Variants in EPB41 observed in about 807,000 individuals in gnomAD.
EPB41 encodes the protein erythrocyte membrane protein band 4.1.
A neutral mutation model predicts 108.0 loss-of-function variants in EPB41; 65 were observed. The ratio of observed to expected loss-of-function variants is 0.60; its 90% confidence interval spans 0.49 to 0.74. The LOEUF (loss-of-function observed/expected upper bound fraction) is 0.74. EPB41 is among the 30% of genes least tolerant of loss of function. The pLI is 0.00. For missense variants in EPB41, 875 were observed against 1,037.0 expected, an observed-to-expected ratio of 0.84 and a Z score of 2.15; for synonymous variants, 336 against 358.9, an observed-to-expected ratio of 0.94 and a Z score of 0.72.
rs56337991 is a variant in EPB41 at position 28,929,843 on chromosome 1, C to CTT, written c.-8+15098_-8+15099dup. On this transcript the variant is annotated intron_variant, in intron 1 of 20. Coordinates refer to ENST00000343067, the MANE Select transcript of EPB41 (RefSeq NM_001376013.1). ...GCCACCGCGCCTGGCACTGGGCCTT[C>CTT]TTTTTTTTTTTTTTTTTTTTTTTTA... is the stretch of plus-strand genomic sequence containing the variant. 8.5e-4 allele frequency among the ~76,000 whole-genome samples: 87 copies of CTT among 101,836 alleles called. No individual in the cohort carries two copies. In the East Asian group the frequency reaches 8.6e-3, roughly 10 times the overall value. The allele number at this position is 101,836 out of a possible 152,430, so 66.8% of individuals were successfully genotyped here. A position where few individuals can be genotyped will look rare whatever the true frequency, so the allele number is the denominator to read the frequency against.
intron 1 of EPB41, among the ~76,000 whole-genome samples, chr1:28,961,551 T>C (rs1193241455): frequency 6.6e-6 from 1 of 152,188 alleles, no homozygotes; most frequent in Non-Finnish European, 1.5e-5. Flanking sequence ...ATGTTACTCA[T>C]CTGAAATTGT....
intron 16 of EPB41, among the ~76,000 whole-genome samples, chr1:29,073,529 A>G (rs1652490024): frequency 6.6e-6 from 1 of 152,218 alleles, no homozygotes; most frequent in Non-Finnish European, 1.5e-5. Flanking sequence ...TTATTTTGAA[A>G]GTAAGTCGTT....
At chr1:28,892,797 CTT>C (rs995428093) in intron 1 of EPB41, among the ~76,000 whole-genome samples, 98 of 87,218 alleles carry the variant, frequency 1.1e-3, no homozygotes, top group African/African-American at 3.9e-3. Flanking sequence ...TTCCCAGGTT[CTT>C]TTTTTTTTTT....
rs755507695 is a variant in EPB41, at chr1:28,987,847, CG to C, written c.412del (p.Glu138AsnfsTer13). On this transcript the variant is annotated frameshift_variant, in exon 2 of 21. Transcript: ENST00000343067. LOFTEE classifies it high-confidence loss of function. ...ILKAPIAAPE[P>X]ELKTDPSLDL... ...AAGGCCCCAATTGCAGCTCCTGAACCGGAACTCAAAACAGACCCATCTTTGG... is the reference window on the plus strand; with the variant it reads ...AAGGCCCCAATTGCAGCTCCTGAACCGAACTCAAAACAGACCCATCTTTGG... 6.2e-7 allele frequency: 1 copy of C among 1,614,168 alleles called. No individual in the cohort carries two copies.
At chr1:29,006,234 ATT>A (rs34223507) in intron 4 of EPB41, among the ~76,000 whole-genome samples, 112 of 130,592 alleles carry the variant, frequency 8.6e-4, no homozygotes, top group East Asian at 3.2e-3. Context: ...ATCCCAAAGA[ATT>A]TTTTTTTTTT....
chr1:29,019,226 G>A (rs750396604), intron 7 of EPB41, among the ~76,000 whole-genome samples: 4 of 152,024 alleles, frequency 2.6e-5, no homozygotes, highest in Non-Finnish European at 5.9e-5. Flanking sequence ...GACCAGCCTG[G>A]GCAACATAGC....
chr1:28,970,402 G>A (rs1035052328), intron 1 of EPB41, among the ~76,000 whole-genome samples: 1 of 152,194 alleles, frequency 6.6e-6, no homozygotes, highest in African/African-American at 2.4e-5. Context: ...GTTAGATTGA[G>A]TTGGCTCTAA....
chr1:28,893,976 A>C (rs934632631), intron 1 of EPB41: 24 of 152,210 alleles, frequency 1.6e-4, no homozygotes, highest in African/African-American at 5.8e-4. Flanking sequence ...CTGTGATTTT[A>C]GGATCCTACC....
At chr1:29,032,288 G>C (rs1194694887) in intron 8 of EPB41, among the ~76,000 whole-genome samples, 1 of 152,118 alleles carries the variant, frequency 6.6e-6, no homozygotes, top group Non-Finnish European at 1.5e-5. Context: ...TATTGATGGA[G>C]TCAGGCAGCA....
chr1:28,899,744 C>T (rs1407472997), intron 1 of EPB41, among the ~76,000 whole-genome samples: 2 of 152,076 alleles, frequency 1.3e-5, no homozygotes, highest in East Asian at 3.9e-4. Flanking sequence ...AGATCTTGGG[C>T]AAATTACCTA....
At chr1:28,982,002 G>A (rs377338677) in intron 1 of EPB41, among the ~76,000 whole-genome samples, 10 of 151,684 alleles carry the variant, frequency 6.6e-5, no homozygotes, top group Admixed American at 2.6e-4. Flanking sequence ...CCATTAACTC[G>A]TCATTTAGCA....
chr1:28,924,008 TG>T (rs2093300352), intron 1 of EPB41, among the ~76,000 whole-genome samples: 1 of 152,180 alleles, frequency 6.6e-6, no homozygotes, highest in Admixed American at 6.5e-5. Flanking sequence ...TAAAATACTG[TG>T]GCTTCTCTCT....
chr1:29,081,231 TAATTA>T (rs1656477239), intron 16 of EPB41, among the ~76,000 whole-genome samples: 1 of 152,258 alleles, frequency 6.6e-6, no homozygotes, highest in Admixed American at 6.5e-5. Context: ...CTAACCAATT[TAATTA>T]GTCACTACAA....
intron 16 of EPB41, among the ~76,000 whole-genome samples, chr1:29,083,432 G>T (rs1391007145): frequency 6.6e-6 from 1 of 152,076 alleles, no homozygotes; most frequent in African/African-American, 2.4e-5. Flanking sequence ...AGCTTTTGGG[G>T]GTGGGAACCA....
In EPB41 at chr1:29,043,450, G is replaced by A. The variant is rs980948447; in HGVS notation, c.1636+4024G>A. 3.3e-5 allele frequency among the ~76,000 whole-genome samples: 5 copies of A among 152,326 alleles called. 1 individual carries two copies. The highest frequency in any genetic ancestry group is 3.3e-4 in the Admixed American group (5 of 15,296). ...TGTGCTGATGGAAATCTTTCATTTT[G>A]TGATATCCAGTTCAGCAGCCAATAG... On this transcript the variant is annotated intron_variant, in intron 11 of 20. Coordinates refer to ENST00000343067, the MANE Select transcript of EPB41 (RefSeq NM_001376013.1).
intron 1 of EPB41, among the ~76,000 whole-genome samples, chr1:28,954,910 G>A (rs932094576): frequency 6.6e-6 from 1 of 152,168 alleles, no homozygotes; most frequent in Non-Finnish European, 1.5e-5. Context: ...TTCTTGATTA[G>A]CAGAACACAT....
chr1:29,015,780 T>G lies in EPB41; in HGVS notation c.905+13T>G, dbSNP rs374489494. The G allele has an allele frequency of 4.7e-6, 7 of 1,499,322 alleles. No homozygotes were observed. Among genetic ancestry groups the G allele is most frequent in the Non-Finnish European group, 6.5e-6 (7 of 1,076,884 alleles). The allele number at this position is 1,499,322 out of a possible 1,614,324, so 92.9% of individuals were successfully genotyped here. On this transcript the variant is annotated intron_variant, in intron 6 of 20. Transcript: ENST00000343067. ...AAGACATAACAAGGTAAATAAGTAA[T>G]AGTTAAATATGTAATTTATCATATA...
At position 29,115,340 on chromosome 1, in the gene EPB41, C is replaced by T. The variant is rs1327920331; in HGVS notation, c.2497-359C>T. The stretch of plus-strand genomic sequence containing the variant: ...CCTGGGAGGCGGAGGTTGCAGTGAG[C>T]CGAGATTGCACCATTGCACTCCAGC... On this transcript the variant is annotated intron_variant, in intron 19 of 20. Transcript: ENST00000343067. The surrounding 1 kb of genome is among the most constrained non-coding windows in gnomAD (Gnocchi z 4.4). Among the ~76,000 whole-genome samples, 2 of 152,122 alleles carry T rather than the reference C, an allele frequency of 1.3e-5. No individual in the cohort carries two copies. Among genetic ancestry groups the T allele is most frequent in the African/African-American group, 4.8e-5 (2 of 41,410 alleles).
intron 16 of EPB41, chr1:29,069,413 A>T: frequency 1.6e-6 from 2 of 1,228,072 alleles, no homozygotes; most frequent in Non-Finnish European, 2.0e-6. Context: ...GCATTTGCTT[A>T]AAGTAATGTA....
Sources: allele counts gnomAD v4.1 joint callset (sites outside exome capture counted in the v4.1 genomes callset), GRCh38; gene constraint gnomAD v4.1.1; non-coding constraint Gnocchi (gnomAD v3.1); transcripts MANE v1.5; gene names NCBI Gene and HGNC (gene_info 2026-07-23, HGNC 2026-07-21).